The following VWA3B variants were observed in gnomAD, a reference collection of about 807,000 sequenced individuals.
VWA3B encodes the protein von Willebrand factor A domain-containing protein 3B.
In VWA3B, 138 loss-of-function variants were observed where a neutral mutation model predicts 158.3. The observed-to-expected ratio is 0.87, with a 90% CI of 0.76 to 1.00. VWA3B has a LOEUF of 1.00. Among genes scored for constraint, VWA3B ranks in the 50% least tolerant of loss-of-function variants. The probability of loss-of-function intolerance (pLI) is 0.00; values close to 1 mark genes in which losing one functional copy is unlikely to be tolerated. For synonymous variants in VWA3B, 596 were observed against 587.3 expected, an observed-to-expected ratio of 1.01 and a Z score of -0.21; for missense variants, 1,555 against 1,565.1, an observed-to-expected ratio of 0.99 and a Z score of 0.11.
chr2:98,142,758 A>G (rs1304356448), intron 7 of VWA3B, among the ~76,000 whole-genome samples: 1 of 152,170 alleles, frequency 6.6e-6, no homozygotes, highest in East Asian at 1.9e-4. Flanking sequence ...TTGATGTTCT[A>G]AAACAACACT....
rs76101908 is a variant in VWA3B at position 98,102,677 on chromosome 2, G to A, written c.196+9389G>A. Among the ~76,000 whole-genome samples, 784 of 152,276 alleles carry A rather than the reference G, an allele frequency of 5.1e-3. 16 individuals are homozygous for A. The East Asian group carries it at 0.088, about 17-fold the overall frequency. ...CTAAGTTCGTAAGAGATATTGCTCC[G>A]TAACTTTCTTTTCTTGTAACGTCAT... On this transcript the variant is annotated intron_variant, in intron 2 of 27. Transcript: ENST00000477737.
intron 21 of VWA3B, among the ~76,000 whole-genome samples, chr2:98,256,950 T>C (rs1031222155): frequency 6.6e-6 from 1 of 152,166 alleles, no homozygotes; most frequent in African/African-American, 2.4e-5. Flanking sequence ...GTTGGGAACA[T>C]TTCAAGTTGT....
chr2:98,322,461 C>CTAAG, the VWA3B span, among the ~76,000 whole-genome samples: 2 of 152,142 alleles, frequency 1.3e-5, no homozygotes, highest in African/African-American at 2.4e-5. Flanking sequence ...ATCATAAAAC[C>CTAAG]TAAGTATGAA....
intron 19 of VWA3B, among the ~76,000 whole-genome samples, chr2:98,239,243 C>T (rs1162454373): frequency 6.6e-6 from 1 of 152,130 alleles, no homozygotes; most frequent in Admixed American, 6.5e-5. Flanking sequence ...CAGCCTTTAG[C>T]CAACAATGGA....
intron 13 of VWA3B, chr2:98,216,622 G>A: frequency 4.5e-6 from 2 of 442,094 alleles, no homozygotes; most frequent in South Asian, 1.7e-5. Flanking sequence ...AGCCCTGGCT[G>A]CACAGCTGTT....
chr2:98,197,023 T>C (rs1331180724), intron 12 of VWA3B, among the ~76,000 whole-genome samples: 7 of 152,198 alleles, frequency 4.6e-5, no homozygotes, highest in Non-Finnish European at 8.8e-5. Flanking sequence ...CTTCATCAGT[T>C]TTCCACTAAT....
intron 1 of VWA3B, among the ~76,000 whole-genome samples, chr2:98,089,038 A>C (rs1207212909): frequency 6.6e-6 from 1 of 152,022 alleles, no homozygotes; most frequent in East Asian, 1.9e-4. Flanking sequence ...GCACTTTGGC[A>C]CTTTAAGGGG....
At chr2:98,149,109 T>G (rs1677407458) in intron 7 of VWA3B, among the ~76,000 whole-genome samples, 1 of 152,254 alleles carries the variant, frequency 6.6e-6, no homozygotes, top group Non-Finnish European at 1.5e-5. Flanking sequence ...TTCTTTGGTT[T>G]ATTGACATAA....
At chr2:98,218,104 T>C (rs1684187922) in intron 14 of VWA3B, 76 bp downstream of exon 14, 1 of 1,450,756 alleles carries the variant, frequency 6.9e-7, no homozygotes. Context: ...GGGTAATACC[T>C]TCGTTGGGAA....
At chr2:98,306,379 A>G (rs1312093772) in intron 26 of VWA3B, among the ~76,000 whole-genome samples, 2 of 152,182 alleles carry the variant, frequency 1.3e-5, no homozygotes, top group Non-Finnish European at 1.5e-5. Flanking sequence ...TGAAGAACAA[A>G]TAAATATATA....
At chr2:98,094,936 A>G (rs1367203606) in intron 2 of VWA3B, among the ~76,000 whole-genome samples, 1 of 152,110 alleles carries the variant, frequency 6.6e-6, no homozygotes. Context: ...CTGTACATAC[A>G]TATGTGGATT....
At chr2:98,253,235 T>C (rs1265661951) in intron 20 of VWA3B, among the ~76,000 whole-genome samples, 2 of 152,136 alleles carry the variant, frequency 1.3e-5, no homozygotes, top group Non-Finnish European at 2.9e-5. Context: ...CCATCCCCTA[T>C]ATAACATTTC....
intron 7 of VWA3B, among the ~76,000 whole-genome samples, chr2:98,158,701 A>T (rs1678309929): frequency 1.7e-5 from 1 of 58,692 alleles, no homozygotes; most frequent in South Asian, 1.1e-3. Context: ...GAGGCAGCTC[A>T]CCGTTTCCTG....
intron 26 of VWA3B, among the ~76,000 whole-genome samples, chr2:98,304,920 G>A (rs1427847671): frequency 1.3e-5 from 2 of 152,002 alleles, no homozygotes; most frequent in Non-Finnish European, 1.5e-5. Context: ...GTCTCCATGC[G>A]TCATCGGATA....
chr2:98,095,877 T>C (rs1481817955), intron 2 of VWA3B, among the ~76,000 whole-genome samples: 1 of 152,222 alleles, frequency 6.6e-6, no homozygotes, highest in Non-Finnish European at 1.5e-5. Flanking sequence ...TTGAAGTGAT[T>C]ATGTAGTTTT....
At chr2:98,269,743 G>T (rs1688082639) in intron 21 of VWA3B, among the ~76,000 whole-genome samples, 1 of 152,208 alleles carries the variant, frequency 6.6e-6, no homozygotes, top group Admixed American at 6.5e-5. Context: ...TGGAATTCTC[G>T]CAAAGGCGAT....
At chr2:98,278,276 T>C (rs1334827584) in intron 22 of VWA3B, among the ~76,000 whole-genome samples, 1 of 152,166 alleles carries the variant, frequency 6.6e-6, no homozygotes, top group East Asian at 1.9e-4. Context: ...AGATGAGTAC[T>C]TCTGGGTGCC....
chr2:98,166,807 C>CACACACACACACAG (rs1307664100), intron 8 of VWA3B, among the ~76,000 whole-genome samples: 2 of 152,004 alleles, frequency 1.3e-5, no homozygotes, highest in East Asian at 3.9e-4. Flanking sequence ...AATACACACA[C>CACACACACACACAG]ACACACACAC....
chr2:98,129,188 G>A (rs557678274), intron 6 of VWA3B, among the ~76,000 whole-genome samples: 1 of 150,748 alleles, frequency 6.6e-6, no homozygotes, highest in South Asian at 2.1e-4. Context: ...GGTGGAGAGA[G>A]AGAGTGAGAG....
Sources: gnomAD v4.1 joint callset for allele counts (sites outside exome capture counted in the v4.1 genomes callset) on GRCh38, gnomAD v4.1.1 for gene constraint, MANE v1.5 for transcripts, NCBI Gene and HGNC (gene_info 2026-07-23, HGNC 2026-07-21) for gene names.